SRBD1: variants seen among roughly 807,000 people sequenced by gnomAD.
SRBD1 encodes the protein S1 RNA binding domain 1, also known as S1 RNA-binding domain-containing protein 1.
In SRBD1, 88 loss-of-function variants were observed where a neutral mutation model predicts 115.3. The observed-to-expected ratio is 0.76, with a 90% CI of 0.64 to 0.91. The LOEUF (loss-of-function observed/expected upper bound fraction) is 0.91. Among genes scored for constraint, SRBD1 ranks in the 40% least tolerant of loss-of-function variants. SRBD1 has a pLI of 0.00. For missense variants in SRBD1, 1,385 were observed against 1,177.4 expected (o/e 1.18, Z -2.58); for synonymous variants, 509 against 407.7 (o/e 1.25, Z -2.99).
intron 16 of SRBD1, among the ~76,000 whole-genome samples, chr2:45,421,891 A>G (rs1668018632): frequency 6.6e-6 from 1 of 152,218 alleles, no homozygotes; most frequent in Non-Finnish European, 1.5e-5. Context: ...TAAAAATCTA[A>G]TAAGCAAATA....
At chr2:45,588,577 A>G (rs1446354606) in intron 4 of SRBD1, among the ~76,000 whole-genome samples, 2 of 152,088 alleles carry the variant, frequency 1.3e-5, no homozygotes. Flanking sequence ...ACCTCTCTCC[A>G]TTATATAGCA....
At chr2:45,496,023 A>T (rs1670448149) in intron 14 of SRBD1, among the ~76,000 whole-genome samples, 1 of 152,196 alleles carries the variant, frequency 6.6e-6, no homozygotes, top group South Asian at 2.1e-4. Context: ...TTACTCATAT[A>T]ATACCAGATT....
chr2:45,583,019 A>G (rs1401801515), intron 5 of SRBD1, among the ~76,000 whole-genome samples: 1 of 152,146 alleles, frequency 6.6e-6, no homozygotes, highest in East Asian at 1.9e-4. Context: ...TAGTTCCCCC[A>G]CTTTACAACA....
chr2:45,416,325 A>T (rs1667831336), intron 18 of SRBD1, among the ~76,000 whole-genome samples: 1 of 152,190 alleles, frequency 6.6e-6, no homozygotes, highest in South Asian at 2.1e-4. Context: ...AAAGCAAAAA[A>T]CATTAAATGT....
intron 14 of SRBD1, among the ~76,000 whole-genome samples, chr2:45,501,157 G>C (rs1670619204): frequency 6.6e-6 from 1 of 152,158 alleles, no homozygotes; most frequent in Non-Finnish European, 1.5e-5. Context: ...TTTTGTCCTT[G>C]ATTCTGTTGA....
chr2:45,455,275 T>C (rs570047934), intron 16 of SRBD1, among the ~76,000 whole-genome samples: 54 of 152,076 alleles, frequency 3.6e-4, no homozygotes, highest in Non-Finnish European at 6.5e-4. Flanking sequence ...AACCAGTTCA[T>C]TTCAGAAAGA....
Position 45,534,682 on chromosome 2 carries a change from T to A in SRBD1, c.1874+12050A>T, listed in dbSNP as rs549896182. Among the ~76,000 whole-genome samples the A allele has an allele frequency of 3.3e-5, 5 of 152,094 alleles. No individual in the cohort carries two copies. The South Asian group carries it at 8.3e-4, about 25-fold the overall frequency. ...AAATCCTGATTTCAAATTCCACTTG[T>A]GAAACGGAAAATACTGCACTAGTGA... On this transcript the variant is annotated intron_variant, in intron 14 of 20. Coordinates refer to ENST00000263736, the MANE Select transcript of SRBD1 (RefSeq NM_018079.5).
At chr2:45,423,373 C>A (rs1004507889) in intron 16 of SRBD1, among the ~76,000 whole-genome samples, 1 of 152,130 alleles carries the variant, frequency 6.6e-6, no homozygotes, top group Non-Finnish European at 1.5e-5. Flanking sequence ...TGTAACTTCA[C>A]ATAAAATTAA....
At chr2:45,392,010 G>C (rs911585673) in intron 20 of SRBD1, among the ~76,000 whole-genome samples, 27 of 152,110 alleles carry the variant, frequency 1.8e-4, no homozygotes, top group African/African-American at 5.6e-4. Flanking sequence ...CCTCCAAATG[G>C]AGATGGATTT....
intron 14 of SRBD1, among the ~76,000 whole-genome samples, chr2:45,543,393 A>G (rs1243273864): frequency 6.6e-6 from 1 of 152,240 alleles, no homozygotes; most frequent in African/African-American, 2.4e-5. Flanking sequence ...GATATATATC[A>G]TGGCATTTGT....
chr2:45,556,934 T>C (rs1227841174), intron 10 of SRBD1, among the ~76,000 whole-genome samples: 3 of 152,204 alleles, frequency 2.0e-5, no homozygotes, highest in African/African-American at 7.2e-5. Context: ...CTGCTGCTGC[T>C]GCTGTTATTA....
chr2:45,478,921 T>A (rs921964310), intron 15 of SRBD1, among the ~76,000 whole-genome samples: 4 of 152,194 alleles, frequency 2.6e-5, no homozygotes, highest in African/African-American at 9.7e-5. Flanking sequence ...GTTGGGCAAG[T>A]CTATTGGTGC....
intron 14 of SRBD1, among the ~76,000 whole-genome samples, chr2:45,488,806 C>G (rs1572695342): frequency 6.6e-6 from 1 of 151,904 alleles, no homozygotes; most frequent in African/African-American, 2.4e-5. Flanking sequence ...AAAAAAACCA[C>G]CATCATAAGC....
intron 10 of SRBD1, among the ~76,000 whole-genome samples, chr2:45,555,208 A>C (rs1672435264): frequency 6.6e-6 from 1 of 152,162 alleles, no homozygotes; most frequent in Admixed American, 6.5e-5. Context: ...CAACATAGCC[A>C]GACCTTGTCT....
At position 45,389,616 on chromosome 2, in the gene SRBD1, G is replaced by A; in HGVS notation, c.2699-17C>T. Reference sequence around the variant, plus strand: ...TATCAAAATCTGTAAGAGAAAAAAAGTAAGTGTAAATAAGGCATTGTACTT... The same window carrying A: ...TATCAAAATCTGTAAGAGAAAAAAAATAAGTGTAAATAAGGCATTGTACTT... On this transcript the variant is annotated splice_polypyrimidine_tract_variant and intron_variant, in intron 20 of 20. Coordinates refer to ENST00000263736, the MANE Select transcript of SRBD1 (RefSeq NM_018079.5). The A allele has an allele frequency of 1.9e-6, 3 of 1,607,408 alleles. No individual in the cohort carries two copies. The highest frequency in any genetic ancestry group is 1.1e-5 in the South Asian group (1 of 90,258).
intron 17 of SRBD1, 69 bp from the exon 18 acceptor site, chr2:45,418,610 G>A: frequency 8.4e-7 from 1 of 1,190,198 alleles, no homozygotes; most frequent in Non-Finnish European, 1.1e-6. Flanking sequence ...AAAACATTTG[G>A]ATCATAAAAA....
intron 4 of SRBD1, among the ~76,000 whole-genome samples, chr2:45,592,613 C>T (rs1053411334): frequency 2.6e-5 from 4 of 152,140 alleles, no homozygotes; most frequent in African/African-American, 9.7e-5. Flanking sequence ...GAGGAGGAGG[C>T]AAAAACTGAG....
chr2:45,405,656 A>G (rs1667412911), intron 19 of SRBD1, among the ~76,000 whole-genome samples: 1 of 152,166 alleles, frequency 6.6e-6, no homozygotes, highest in African/African-American at 2.4e-5. Context: ...AAGAATATAT[A>G]CATCTACAGG....
rs1289947450 is a variant in SRBD1 at position 45,520,430 on chromosome 2, G to T, written c.1874+26302C>A. On this transcript the variant is annotated intron_variant, in intron 14 of 20. Coordinates refer to ENST00000263736, the MANE Select transcript of SRBD1 (RefSeq NM_018079.5). ...TAGGCATTTCTGGTGACAGTTACAAGATCCCTGAATTTGCTACAGACAGGA... is the reference window on the plus strand; with the variant it reads ...TAGGCATTTCTGGTGACAGTTACAATATCCCTGAATTTGCTACAGACAGGA... Among the ~76,000 whole-genome samples the T allele has an allele frequency of 5.9e-5, 9 of 152,242 alleles. No homozygotes were observed. In the East Asian group the frequency reaches 1.7e-3, roughly 29 times the overall value.
Sources: gnomAD v4.1 joint callset for allele counts (sites outside exome capture counted in the v4.1 genomes callset) on GRCh38, gnomAD v4.1.1 for gene constraint, MANE v1.5 for transcripts, NCBI Gene and HGNC (gene_info 2026-07-23, HGNC 2026-07-21) for gene names.